EML6: variants seen among roughly 807,000 people sequenced by gnomAD.
EML6 encodes echinoderm microtubule-associated protein-like 6.
In EML6, 154 loss-of-function variants were observed where a neutral mutation model predicts 240.1. The ratio of observed to expected loss-of-function variants is 0.64; its 90% CI spans 0.56 to 0.73. The LOEUF (loss-of-function observed/expected upper bound fraction) is 0.73, where lower values mean the gene tolerates loss of function less well. EML6 is among the 30% of genes least tolerant of loss of function. EML6 has a pLI of 0.00. For missense variants in EML6, 2,964 were observed against 2,474.6 expected, an observed-to-expected ratio of 1.20 and a Z score of -4.20; for synonymous variants, 1,148 against 899.0, an observed-to-expected ratio of 1.28 and a Z score of -4.95.
chr2:54,927,880 C>T (rs756822588), intron 26 of EML6, among the ~76,000 whole-genome samples: 2 of 152,226 alleles, frequency 1.3e-5, no homozygotes, highest in Admixed American at 6.5e-5. Flanking sequence ...ATATCCTTTG[C>T]TCTTCTGCCA....
At chr2:54,923,369 A>ACG (rs1674364950) in intron 26 of EML6, among the ~76,000 whole-genome samples, 2 of 46,284 alleles carry the variant, frequency 4.3e-5, no homozygotes, top group South Asian at 1.4e-3. Flanking sequence ...CACCAAACGC[A>ACG]CACACACACA....
At chr2:54,901,890 T>C (rs1486066116) in intron 22 of EML6, among the ~76,000 whole-genome samples, 2 of 152,186 alleles carry the variant, frequency 1.3e-5, no homozygotes, top group Admixed American at 6.5e-5. Context: ...TAGACATACC[T>C]TTGCAAAGTC....
chr2:54,888,823 T>A (rs1672298804), intron 17 of EML6, among the ~76,000 whole-genome samples: 1 of 152,200 alleles, frequency 6.6e-6, no homozygotes, highest in South Asian at 2.1e-4. Flanking sequence ...GCTATAAATA[T>A]CCATGTGCAG....
intron 41 of EML6, among the ~76,000 whole-genome samples, chr2:54,969,863 A>C (rs1299982305): frequency 1.3e-5 from 2 of 152,202 alleles, no homozygotes; most frequent in East Asian, 1.9e-4. Context: ...GAAAGAACCA[A>C]ACAGAACTCA....
intron 15 of EML6, among the ~76,000 whole-genome samples, 160 bp from the exon 16 acceptor site, chr2:54,871,340 T>G (rs1671245894): frequency 6.6e-6 from 1 of 152,238 alleles, no homozygotes; most frequent in African/African-American, 2.4e-5. Context: ...CTCAGTTTCC[T>G]CATCTCAAAA....
intron 2 of EML6, among the ~76,000 whole-genome samples, chr2:54,748,563 T>C (rs944439712): frequency 1.3e-5 from 2 of 151,846 alleles, no homozygotes; most frequent in Non-Finnish European, 2.9e-5. Context: ...TGGACTTCTT[T>C]TTATTGGGGG....
Position 54,962,586 on chromosome 2 carries a change from T to A in EML6, c.5032T>A (p.Ser1678Thr), listed in dbSNP as rs1676569188. ...TGAAGTTGGTGAAAAAAATGCTGCT[T>A]CTAACATCCTGATTGATGGTCACAT... ...IIEVGEKNAA[S>T]NILIDGHMEG... The change falls in exon 36 of 42, where the codon TCT becomes ACT. Residue 1678 changes from serine (S) to threonine (T), a missense_variant. By Grantham distance (58) the Ser-to-Thr change is moderately conservative. Transcript: ENST00000356458. 6.5e-7 allele frequency: 1 copy of A among 1,550,056 alleles called. No homozygotes were observed. Among genetic ancestry groups the A allele is most frequent in the Non-Finnish European group, 8.7e-7 (1 of 1,146,160 alleles).
At chr2:54,939,784 A>G (rs557060558) in intron 28 of EML6, among the ~76,000 whole-genome samples, 3 of 152,330 alleles carry the variant, frequency 2.0e-5, no homozygotes, top group East Asian at 3.9e-4. Context: ...ATACAAGTCT[A>G]GGGGTGTGTC....
chr2:54,852,214 A>G (rs1670128414), intron 10 of EML6, among the ~76,000 whole-genome samples: 1 of 152,206 alleles, frequency 6.6e-6, no homozygotes, highest in South Asian at 2.1e-4. Flanking sequence ...TGACCCCACC[A>G]TAACTTTTAT....
chr2:54,790,918 G>T (rs165050), intron 2 of EML6, among the ~76,000 whole-genome samples: 3 of 151,222 alleles, frequency 2.0e-5, no homozygotes, highest in Non-Finnish European at 2.9e-5. Context: ...GTAGAGACGG[G>T]GTTTCACCAT....
intron 5 of EML6, among the ~76,000 whole-genome samples, chr2:54,823,372 G>GT (rs1668420102): frequency 6.6e-6 from 1 of 152,140 alleles, no homozygotes; most frequent in South Asian, 2.1e-4. Context: ...CCATGGAAGT[G>GT]TGAGACTGGG....
In EML6 at chr2:54,866,819, C is replaced by CGCAGTG; in HGVS notation, c.1987_1992dup (p.Ala663_Val664dup). ...AGCAACAAAGTAAAGAGAAAAACCA[C>CGCAGTG]GCAGTGCCCTTCCTCAAACGAGAAA... is the stretch of plus-strand genomic sequence containing the variant. On this transcript the variant is annotated inframe_insertion, in exon 14 of 42. Transcript: ENST00000356458. 1 of 1,551,200 alleles carries CGCAGTG rather than the reference C, an allele frequency of 6.4e-7. No homozygotes were observed. Among genetic ancestry groups the CGCAGTG allele is most frequent in the South Asian group, 1.2e-5 (1 of 84,052 alleles).
chr2:54,738,932 T>C (rs1306237881), intron 2 of EML6, among the ~76,000 whole-genome samples: 1 of 152,134 alleles, frequency 6.6e-6, no homozygotes, highest in African/African-American at 2.4e-5. Flanking sequence ...CTAGATACTG[T>C]CAAATGGTTT....
intron 26 of EML6, among the ~76,000 whole-genome samples, chr2:54,920,158 G>A (rs527664259): frequency 1.3e-5 from 2 of 152,110 alleles, no homozygotes; most frequent in East Asian, 1.9e-4. Context: ...TTAGCAGAAG[G>A]AAGGAAATAA....
At chr2:54,761,755 G>T (rs1333683863) in intron 2 of EML6, among the ~76,000 whole-genome samples, 1 of 152,018 alleles carries the variant, frequency 6.6e-6, no homozygotes, top group African/African-American at 2.4e-5. Flanking sequence ...TTTCAAACTT[G>T]TAGAAAAATA....
chr2:54,818,883 T>A (rs1447430948), intron 4 of EML6, among the ~76,000 whole-genome samples: 1 of 152,230 alleles, frequency 6.6e-6, no homozygotes, highest in Non-Finnish European at 1.5e-5. Flanking sequence ...ATTGACTGCT[T>A]ATGATTAACT....
intron 2 of EML6, among the ~76,000 whole-genome samples, chr2:54,809,495 T>G (rs1667715648): frequency 6.6e-6 from 1 of 152,152 alleles, no homozygotes; most frequent in Admixed American, 6.5e-5. Context: ...CCTGACCTTT[T>G]AATCTGCTGG....
chr2:54,962,642 C>G lies in EML6; in HGVS notation c.5088C>G (p.His1696Gln). Residue 1696 changes from histidine to glutamine, a missense_variant, in exon 36 of 42, where the codon CAC (histidine) becomes CAG (glutamine). His to Gln is a conservative substitution (Grantham distance 24, BLOSUM62 0). Coordinates refer to ENST00000356458, the MANE Select transcript of EML6 (RefSeq NM_001039753.4). ...MEGEIWGLAT[H>Q]PSKDLFISAS... ...GGGAGATCTGGGGCCTGGCCACTCA[C>G]CCTTCCAAGGACCTCTTCATCTCTG... 6.5e-7 allele frequency: 1 copy of G among 1,543,096 alleles called. No individual in the cohort carries two copies. Among genetic ancestry groups the G allele is most frequent in the South Asian group, 1.2e-5 (1 of 81,774 alleles).
chr2:54,841,019 C>A (rs1175938221), intron 7 of EML6, among the ~76,000 whole-genome samples: 1 of 152,160 alleles, frequency 6.6e-6, no homozygotes, highest in African/African-American at 2.4e-5. Flanking sequence ...GAGAAAAACA[C>A]CAGGGAGAAA....
Sources: allele counts gnomAD v4.1 joint callset (sites outside exome capture counted in the v4.1 genomes callset), GRCh38; gene constraint gnomAD v4.1.1; transcripts MANE v1.5; gene names NCBI Gene and HGNC (gene_info 2026-07-23, HGNC 2026-07-21).